The following FYB1 variants were observed in gnomAD, a reference collection of about 807,000 sequenced individuals.
FYB1 encodes FYN-binding protein 1.
A neutral mutation model predicts 94.1 loss-of-function variants in FYB1; 41 were observed. That is an observed-to-expected ratio of 0.44 (90% CI 0.34 to 0.57). The LOEUF (loss-of-function observed/expected upper bound fraction) is 0.57, where lower values mean the gene tolerates loss of function less well. FYB1 is among the 20% of genes least tolerant of loss of function. The probability of loss-of-function intolerance (pLI) is 0.02; values close to 1 mark genes in which losing one functional copy is unlikely to be tolerated. For synonymous variants in FYB1, 367 were observed against 353.2 expected, an observed-to-expected ratio of 1.04 and a Z score of -0.44; for missense variants, 1,050 against 976.8, an observed-to-expected ratio of 1.07 and a Z score of -1.00.
chr5:39,120,171 A>C (rs1160224991), intron 14 of FYB1, among the ~76,000 whole-genome samples: 3 of 152,012 alleles, frequency 2.0e-5, no homozygotes, highest in African/African-American at 7.2e-5. Flanking sequence ...TATAAGAAGG[A>C]GCTTTTTAAA....
chr5:39,156,675 C>T (rs1018685502), intron 2 of FYB1, among the ~76,000 whole-genome samples: 6 of 152,132 alleles, frequency 3.9e-5, no homozygotes, highest in Admixed American at 2.6e-4. Context: ...GCTAGGAATA[C>T]ATTTGCATGT....
chr5:39,225,676 TAG>T (rs1472800854), intron 1 of FYB1, among the ~76,000 whole-genome samples: 2 of 152,116 alleles, frequency 1.3e-5, no homozygotes, highest in Non-Finnish European at 2.9e-5. Context: ...CAAACAAAAA[TAG>T]AAAATAAAGG....
chr5:39,227,399 G>A (rs1750525881), intron 1 of FYB1, among the ~76,000 whole-genome samples: 1 of 152,164 alleles, frequency 6.6e-6, no homozygotes, highest in Non-Finnish European at 1.5e-5. Flanking sequence ...CGTATTCTTA[G>A]GAGGTGCATG....
intron 1 of FYB1, among the ~76,000 whole-genome samples, chr5:39,265,638 C>T (rs1442657239): frequency 6.6e-6 from 1 of 152,006 alleles, no homozygotes; most frequent in African/African-American, 2.4e-5. Context: ...GCCTGGGCAA[C>T]AAGAGCAAAA....
At chr5:39,213,120 TA>T (rs1414875082) in intron 1 of FYB1, 1 of 152,102 alleles carries the variant, frequency 6.6e-6, no homozygotes, top group Non-Finnish European at 1.5e-5. Context: ...ATTATTAAAC[TA>T]ATAATCACAT....
chr5:39,223,695 G>A (rs371511379), upstream of FYB1, among the ~76,000 whole-genome samples: 6 of 152,142 alleles, frequency 3.9e-5, no homozygotes, highest in African/African-American at 1.2e-4. Context: ...CTTTGTGGAC[G>A]TAAAAACTAG....
chr5:39,138,682 T>G lies in FYB1; in HGVS notation c.1369A>C (p.Ser457Arg). The G allele has an allele frequency of 6.6e-7, 1 of 1,523,452 alleles. No homozygotes were observed. The allele number at this position is 1,523,452 out of a possible 1,614,324, so 94.4% of individuals were successfully genotyped here. The change falls in exon 6 of 19, where the codon AGT (serine) becomes CGT (arginine). Residue 457 changes from serine to arginine, a missense_variant. Transcript: ENST00000512982. ...GAGNLDEEQD[S>R]EGETYEDIEA... ...ATGTCTTCATATGTTTCTCCTTCACTGTCTTGTTCCTGTAAAGAAAAACAT... is the reference window on the plus strand; with the variant it reads ...ATGTCTTCATATGTTTCTCCTTCACGGTCTTGTTCCTGTAAAGAAAAACAT...
chr5:39,148,153 TTTTATATATATATATATATATA>T (rs1381882658), intron 3 of FYB1, among the ~76,000 whole-genome samples: 10,724 of 79,426 alleles, frequency 0.14, 1,162 homozygotes, highest in Non-Finnish European at 0.14. Context: ...TATATGTATT[TTTTATATATATATATATATATA>T]TATATATATA....
chr5:39,158,960 G>A (rs1744003905), intron 2 of FYB1, among the ~76,000 whole-genome samples: 1 of 152,080 alleles, frequency 6.6e-6, no homozygotes, highest in South Asian at 2.1e-4. Flanking sequence ...ATTTGTCTTT[G>A]GCAAATCACT....
In FYB1 at chr5:39,135,832, T is replaced by G. The variant is rs181990656; in HGVS notation, c.1516-818A>C. Among the ~76,000 whole-genome samples, 297 of 152,310 alleles carry G rather than the reference T, an allele frequency of 1.9e-3. 5 individuals carry two copies. The highest frequency in any genetic ancestry group is 0.016 in the Admixed American group (250 of 15,298). On this transcript the variant is annotated intron_variant, in intron 7 of 18. Coordinates refer to ENST00000512982, the MANE Select transcript of FYB1 (RefSeq NM_001465.6). The stretch of plus-strand genomic sequence containing the variant: ...CTCAGTTCTCATATTTATTTAATTT[T>G]TTTTACCTATTATCTATTATCATCT...
At position 39,147,452 on chromosome 5, in the gene FYB1, CTGTGTGTGTGTGTG is replaced by C. The variant is rs71606520; in HGVS notation, c.1292+5982_1292+5995del. ...CCCAGCTAAACTTTTGTACATATGC[CTGTGTGTGTGTGTG>C]TGTGTGTGTGTGTGTGTGTGTCTGT... On this transcript the variant is annotated intron_variant, in intron 3 of 18. Transcript: ENST00000512982. Among the ~76,000 whole-genome samples, 71 of 144,584 alleles carry C rather than the reference CTGTGTGTGTGTGTG, an allele frequency of 4.9e-4. 2 individuals are homozygous for C. The highest frequency in any genetic ancestry group is 7.0e-3 in the Middle Eastern group (2 of 284). 94.9% of individuals were successfully genotyped at this position (144,584 alleles called of 152,430 possible).
At chr5:39,232,334 G>A (rs2150573152) in intron 1 of FYB1, among the ~76,000 whole-genome samples, 1 of 152,098 alleles carries the variant, frequency 6.6e-6, no homozygotes, top group African/African-American at 2.4e-5. Context: ...AAATGAATAA[G>A]CTACCAGGAA....
At chr5:39,270,096 G>A (rs1313487772) in intron 1 of FYB1, among the ~76,000 whole-genome samples, 3 of 151,996 alleles carry the variant, frequency 2.0e-5, no homozygotes, top group South Asian at 2.1e-4. Flanking sequence ...CTTTTTTTGC[G>A]TCTCTTAATT....
At chr5:39,194,051 T>C (rs1484026577) in intron 2 of FYB1, among the ~76,000 whole-genome samples, 1 of 152,158 alleles carries the variant, frequency 6.6e-6, no homozygotes, top group East Asian at 1.9e-4. Context: ...GATAAAATGA[T>C]TGACACAGAC....
At chr5:39,114,472 G>A (rs563705970) in intron 16 of FYB1, among the ~76,000 whole-genome samples, 8 of 152,282 alleles carry the variant, frequency 5.3e-5, no homozygotes, top group Admixed American at 1.3e-4. Flanking sequence ...CTATCATTAC[G>A]AATTTAGGTT....
At chr5:39,182,744 G>A (rs1472550757) in intron 2 of FYB1, among the ~76,000 whole-genome samples, 1 of 152,164 alleles carries the variant, frequency 6.6e-6, no homozygotes, top group East Asian at 1.9e-4. Flanking sequence ...AGTGGAGGCA[G>A]AGGAGTTAGT....
chr5:39,134,742 A>G (rs1580351755), intron 8 of FYB1, 113 bp downstream of exon 8: 1 of 1,081,880 alleles, frequency 9.2e-7, no homozygotes, highest in Non-Finnish European at 1.3e-6. Flanking sequence ...CCCTTTGTCC[A>G]CTCTGTAAAG....
intron 3 of FYB1, among the ~76,000 whole-genome samples, chr5:39,150,720 T>C (rs1743176825): frequency 6.6e-6 from 1 of 152,174 alleles, no homozygotes; most frequent in Non-Finnish European, 1.5e-5. Context: ...CTTTTGTCTC[T>C]CTCTTCAAAA....
intron 8 of FYB1, 85 bp from the exon 9 acceptor site, chr5:39,134,434 C>T (rs1436464348): frequency 3.5e-6 from 4 of 1,151,684 alleles, no homozygotes; most frequent in Non-Finnish European, 4.8e-6. Flanking sequence ...TGCACATTTG[C>T]TCTTTAAACT....
Sources: gnomAD v4.1 joint callset for allele counts (sites outside exome capture counted in the v4.1 genomes callset) on GRCh38, gnomAD v4.1.1 for gene constraint, MANE v1.5 for transcripts, NCBI Gene and HGNC (gene_info 2026-07-23, HGNC 2026-07-21) for gene names.